NEBL: variants seen among roughly 807,000 people sequenced by gnomAD.
The protein encoded by NEBL is LIM and SH3 protein 2.
In NEBL, 122 loss-of-function variants were observed where a neutral mutation model predicts 140.2. The ratio of observed to expected loss-of-function variants is 0.87; its 90% CI spans 0.75 to 1.01. The LOEUF is 1.01. Ranked by LOEUF, NEBL falls within the 50% of genes least tolerant of loss-of-function variation. The pLI is 0.00. For missense variants in NEBL, 1,365 were observed against 1,231.3 expected, an observed-to-expected ratio of 1.11 and a Z score of -1.62; for synonymous variants, 436 against 398.9, an observed-to-expected ratio of 1.09 and a Z score of -1.11.
In NEBL at chr10:20,942,558, G is replaced by A. The variant is rs540334680; in HGVS notation, c.357+19114C>T. 1.6e-4 allele frequency among the ~76,000 whole-genome samples: 25 copies of A among 152,250 alleles called. 1 individual carries two copies. The South Asian group carries it at 5.0e-3, about 30-fold the overall frequency. On this transcript the variant is annotated intron_variant, in intron 4 of 6. Transcript: ENST00000417816. ...GGACTTCATGTCTAAAACACCAAAAGCAATGGCAATAAAAGCCAAAATTGG... is the reference window on the plus strand; with the variant it reads ...GGACTTCATGTCTAAAACACCAAAAACAATGGCAATAAAAGCCAAAATTGG...
chr10:21,133,524 T>G (rs910340453), intron 2 of NEBL, among the ~76,000 whole-genome samples: 2 of 152,192 alleles, frequency 1.3e-5, no homozygotes, highest in Non-Finnish European at 2.9e-5. Context: ...TTCTCTTTTC[T>G]GTGTATCAGA....
At position 21,270,588 on chromosome 10, in the gene NEBL, G is replaced by A. The variant is rs551139594; in HGVS notation, n.183-18760C>T. On this transcript the variant is annotated intron_variant and non_coding_transcript_variant, in intron 1 of 8. Transcript: ENST00000675702. ...TCACCATGTTGGCCAGGCTGGTCTC[G>A]AAATCCTGACCTCAAGTGGTCTGCC... Among the ~76,000 whole-genome samples the A allele has an allele frequency of 6.7e-4, 102 of 152,164 alleles. 1 individual carries two copies. The highest frequency in any genetic ancestry group is 1.3e-3 in the Non-Finnish European group (86 of 67,986).
chr10:21,149,583 G>A (rs562694016), intron 2 of NEBL, among the ~76,000 whole-genome samples: 10 of 152,264 alleles, frequency 6.6e-5, no homozygotes, highest in South Asian at 4.2e-4. Flanking sequence ...GAGCCATCGC[G>A]CCCGACCTGT....
At chr10:20,841,925 TA>T (rs1479614771) in intron 12 of NEBL, among the ~76,000 whole-genome samples, 2 of 152,150 alleles carry the variant, frequency 1.3e-5, no homozygotes, top group African/African-American at 4.8e-5. Context: ...ATATTTTAAG[TA>T]GATCCAAATG....
intron 2 of NEBL, among the ~76,000 whole-genome samples, chr10:21,160,523 C>A (rs1423841370): frequency 1.3e-5 from 2 of 151,900 alleles, no homozygotes; most frequent in African/African-American, 4.8e-5. Context: ...TATCACGTGC[C>A]TTAAGCATCT....
At chr10:21,030,673 A>G in intron 2 of NEBL, 1 of 499,202 alleles carries the variant, frequency 2.0e-6, no homozygotes, top group East Asian at 4.8e-5. Context: ...GAATGTCCCA[A>G]AAGACCACAC....
At chr10:21,149,643 T>G (rs1206132356) in intron 2 of NEBL, among the ~76,000 whole-genome samples, 2 of 152,218 alleles carry the variant, frequency 1.3e-5, no homozygotes, top group Non-Finnish European at 2.9e-5. Context: ...CCCTGAGTTC[T>G]GTGAGCCACT....
intron 1 of NEBL, among the ~76,000 whole-genome samples, chr10:21,252,229 A>G (rs560052724): frequency 1.3e-5 from 2 of 152,322 alleles, no homozygotes; most frequent in Admixed American, 6.5e-5. Flanking sequence ...CAAATATCCT[A>G]TTTTGGATAT....
Position 21,100,934 on chromosome 10 carries a change from G to C in NEBL, c.164+71449C>G, listed in dbSNP as rs115252545. On this transcript the variant is annotated intron_variant, in intron 2 of 6. Transcript: ENST00000417816. ...CTCTTGTAACAGTTTTTGTTTCTTT[G>C]TTTGTTTTAATCGAAGTTTCCATTC... is the stretch of plus-strand genomic sequence containing the variant. Among the ~76,000 whole-genome samples the C allele has an allele frequency of 4.4e-3, 663 of 152,220 alleles. 4 individuals carry two copies. Among genetic ancestry groups the C allele is most frequent in the African/African-American group, 0.015 (624 of 41,534 alleles).
chr10:21,292,514 T>C (rs1434737418), intron 1 of NEBL, among the ~76,000 whole-genome samples: 1 of 152,196 alleles, frequency 6.6e-6, no homozygotes, highest in Non-Finnish European at 1.5e-5. Context: ...ACTGAGAAAG[T>C]AACATTCGGG....
intron 4 of NEBL, among the ~76,000 whole-genome samples, chr10:20,951,456 G>C (rs1385404595): frequency 2.0e-5 from 3 of 148,818 alleles, no homozygotes; most frequent in Non-Finnish European, 4.4e-5. Context: ...AAGTAAATTA[G>C]AGAGCATAGT....
At chr10:21,288,818 G>GTC (rs757155594) in intron 1 of NEBL, among the ~76,000 whole-genome samples, 1 of 32,668 alleles carries the variant, frequency 3.1e-5, no homozygotes. Flanking sequence ...ACGTGTGTGT[G>GTC]TGTATATATA....
chr10:20,923,802 A>G (rs552507366), intron 4 of NEBL, among the ~76,000 whole-genome samples: 27 of 151,988 alleles, frequency 1.8e-4, no homozygotes, highest in African/African-American at 5.8e-4. Flanking sequence ...ACTGGCTCCA[A>G]GAACCTGTTC....
chr10:21,196,534 G>A (rs749224569), intron 3 of NEBL, among the ~76,000 whole-genome samples: 9 of 148,662 alleles, frequency 6.1e-5, no homozygotes, highest in South Asian at 2.1e-4. Flanking sequence ...TAATAGGGAC[G>A]GGGTTTCACA....
chr10:21,287,891 T>A (rs564580347), intron 1 of NEBL, among the ~76,000 whole-genome samples: 1 of 152,034 alleles, frequency 6.6e-6, no homozygotes, highest in Non-Finnish European at 1.5e-5. Context: ...TGCAAAAAAC[T>A]GTAAGAAAAT....
chr10:20,919,639 G>A (rs1025684034), intron 4 of NEBL, among the ~76,000 whole-genome samples: 2 of 152,084 alleles, frequency 1.3e-5, no homozygotes, highest in African/African-American at 2.4e-5. Context: ...CACAGGAAAA[G>A]CATATAATTG....
chr10:21,222,430 G>A (rs1249781234), intron 3 of NEBL, among the ~76,000 whole-genome samples: 1 of 152,002 alleles, frequency 6.6e-6, no homozygotes, highest in Non-Finnish European at 1.5e-5. Context: ...TTTCTCCTGT[G>A]AAATCCACAG....
At chr10:21,214,641 C>T (rs1469563764) in intron 3 of NEBL, among the ~76,000 whole-genome samples, 1 of 152,022 alleles carries the variant, frequency 6.6e-6, no homozygotes. Flanking sequence ...ATTACACACA[C>T]ATGCACACAT....
intron 7 of NEBL, among the ~76,000 whole-genome samples, chr10:20,863,035 T>G (rs1479959776): frequency 2.0e-5 from 3 of 152,156 alleles, no homozygotes; most frequent in African/African-American, 7.2e-5. Context: ...ATCAAACTCC[T>G]AGATGTTTTT....
Sources: gnomAD v4.1 joint callset for allele counts (sites outside exome capture counted in the v4.1 genomes callset) on GRCh38, gnomAD v4.1.1 for gene constraint, MANE v1.5 for transcripts, NCBI Gene and HGNC (gene_info 2026-07-23, HGNC 2026-07-21) for gene names.